The following HEPHL1 variants were observed in gnomAD, a reference collection of about 807,000 sequenced individuals.
HEPHL1 encodes the protein hephaestin like 1.
In HEPHL1, 123 loss-of-function variants were observed where a neutral mutation model predicts 122.0. That is an observed-to-expected ratio of 1.01 (90% CI 0.87 to 1.17). The LOEUF (loss-of-function observed/expected upper bound fraction) is 1.17. Among genes scored for constraint, HEPHL1 ranks in the 50% most tolerant of loss-of-function variants. The probability of loss-of-function intolerance (pLI) is 0.00; values close to 1 mark genes in which losing one functional copy is unlikely to be tolerated. For missense variants in HEPHL1, 1,452 were observed against 1,430.5 expected (o/e 1.01, Z -0.24); for synonymous variants, 527 against 508.9 (o/e 1.04, Z -0.48).
intron 11 of HEPHL1, 100 bp from the exon 12 acceptor site, chr11:94,088,655 C>G (rs559340273): frequency 1.1e-6 from 1 of 889,840 alleles, no homozygotes; most frequent in African/African-American, 1.7e-5. Flanking sequence ...ATCCACCTAA[C>G]TGGTTATTTT....
At chr11:94,101,666 G>C (rs1013337270) in intron 14 of HEPHL1, among the ~76,000 whole-genome samples, 9 of 152,166 alleles carry the variant, frequency 5.9e-5, no homozygotes, top group African/African-American at 2.2e-4. Context: ...ATACTCTAAG[G>C]GTTTTGACAA....
intron 1 of HEPHL1, among the ~76,000 whole-genome samples, chr11:94,031,878 G>A (rs1179033548): frequency 1.3e-5 from 2 of 152,250 alleles, no homozygotes; most frequent in Non-Finnish European, 2.9e-5. Flanking sequence ...CTATAGGAGA[G>A]GCTGAGTACT....
chr11:94,038,375 C>T (rs1368804095), intron 1 of HEPHL1, among the ~76,000 whole-genome samples: 2 of 114,560 alleles, frequency 1.7e-5, no homozygotes, highest in African/African-American at 3.6e-5. Flanking sequence ...GAGAACGCCA[C>T]AAAGATACTC....
intron 2 of HEPHL1, among the ~76,000 whole-genome samples, chr11:94,057,255 A>C (rs1221968328): frequency 6.6e-6 from 1 of 152,062 alleles, no homozygotes; most frequent in Admixed American, 6.6e-5. Context: ...GTATTTATCA[A>C]ATTTTGGCTC....
chr11:94,064,571 G>T (rs1304385686), intron 4 of HEPHL1, 61 bp downstream of exon 4: 3 of 1,145,476 alleles, frequency 2.6e-6, no homozygotes, highest in Non-Finnish European at 2.5e-6. Flanking sequence ...GGTACTACAA[G>T]GGATAAAAAA....
Position 94,073,671 on chromosome 11 carries a change from G to C in HEPHL1, c.1504+232G>C, listed in dbSNP as rs191640549. On this transcript the variant is annotated intron_variant, in intron 8 of 19. Coordinates refer to ENST00000315765, the MANE Select transcript of HEPHL1 (RefSeq NM_001098672.2). ...TTAGGACAAGGTCTGGCCCATGGTAGGTTCTTAGGAAATGTTCATTTCTTT... is the reference window on the plus strand; with the variant it reads ...TTAGGACAAGGTCTGGCCCATGGTACGTTCTTAGGAAATGTTCATTTCTTT... Among the ~76,000 whole-genome samples, 206 of 152,236 alleles carry C rather than the reference G, an allele frequency of 1.4e-3. 1 individual carries two copies. The highest frequency in any genetic ancestry group is 2.0e-3 in the Non-Finnish European group (139 of 68,008).
chr11:94,031,221 C>T (rs1467692953), intron 1 of HEPHL1, among the ~76,000 whole-genome samples: 1 of 152,024 alleles, frequency 6.6e-6, no homozygotes, highest in East Asian at 1.9e-4. Flanking sequence ...TAAACTTCTC[C>T]TCCGTCCTCC....
chr11:94,096,605 C>T (rs1196310049), intron 13 of HEPHL1, among the ~76,000 whole-genome samples: 1 of 152,192 alleles, frequency 6.6e-6, no homozygotes, highest in Non-Finnish European at 1.5e-5. Context: ...ACCAGCTCCT[C>T]CTTGTACCTC....
chr11:94,088,816 T>C lies in HEPHL1; in HGVS notation c.2142T>C (p.Tyr714=). The part of the protein sequence containing the change: ...PHLSRGMGQI[Y]EVSSCDNRDP... ...TCTCGAGAGGCATGGGTCAGATCTATGAGGTCAGCAGCTGTGACAACAGGG... is the reference window on the plus strand; with the variant it reads ...TCTCGAGAGGCATGGGTCAGATCTACGAGGTCAGCAGCTGTGACAACAGGG... Residue 714 remains tyrosine (Y), a synonymous_variant, in exon 12 of 20, where the codon TAT becomes TAC. Transcript: ENST00000315765. 3.7e-6 allele frequency: 6 copies of C among 1,613,962 alleles called. No individual in the cohort carries two copies. The highest frequency in any genetic ancestry group is 4.2e-6 in the Non-Finnish European group (5 of 1,179,822).
chr11:94,093,701 A>G, intron 13 of HEPHL1, 61 bp downstream of exon 13: 16 of 1,549,782 alleles, frequency 1.0e-5, no homozygotes, highest in Non-Finnish European at 1.4e-5. Flanking sequence ...ACACATACTC[A>G]TGTGTTCTGT....
intron 9 of HEPHL1, 69 bp from the exon 10 acceptor site, chr11:94,082,349 G>C (rs773463054): frequency 7.7e-5 from 94 of 1,224,544 alleles, no homozygotes; most frequent in Non-Finnish European, 9.9e-5. Context: ...TGTGAACTTT[G>C]AAGGAAAGCA....
chr11:94,052,001 T>A (rs150050590), intron 2 of HEPHL1, among the ~76,000 whole-genome samples: 1 of 152,122 alleles, frequency 6.6e-6, no homozygotes, highest in Non-Finnish European at 1.5e-5. Context: ...TGTCTGTGTG[T>A]CTGTTTTTAT....
chr11:94,092,310 T>C (rs572613859), intron 12 of HEPHL1, among the ~76,000 whole-genome samples: 50 of 152,358 alleles, frequency 3.3e-4, no homozygotes, highest in Admixed American at 1.3e-3. Flanking sequence ...CCTCGTTATT[T>C]GTAGATTCTG....
chr11:94,049,485 C>G (rs1945871002), intron 2 of HEPHL1, among the ~76,000 whole-genome samples: 1 of 151,958 alleles, frequency 6.6e-6, no homozygotes, highest in African/African-American at 2.4e-5. Flanking sequence ...ACCCAGCAGT[C>G]CCACTACTGG....
intron 13 of HEPHL1, among the ~76,000 whole-genome samples, chr11:94,093,957 T>A (rs1402195167): frequency 1.5e-5 from 2 of 130,930 alleles, no homozygotes; most frequent in African/African-American, 2.9e-5. Flanking sequence ...AATTTTCTTT[T>A]AAATCCTCCA....
chr11:94,096,500 C>G (rs764918913), intron 13 of HEPHL1, among the ~76,000 whole-genome samples: 3 of 151,922 alleles, frequency 2.0e-5, no homozygotes, highest in Non-Finnish European at 2.9e-5. Context: ...TTGTGTCTGC[C>G]AGGCTTTGGT....
chr11:94,104,514 A>G lies in HEPHL1; in HGVS notation c.2683-14A>G. 1 of 1,569,490 alleles carries G rather than the reference A, an allele frequency of 6.4e-7. No homozygotes were observed. On this transcript the variant is annotated splice_polypyrimidine_tract_variant and intron_variant, in intron 15 of 19. Coordinates refer to ENST00000315765, the MANE Select transcript of HEPHL1 (RefSeq NM_001098672.2). ...CTTAATGGCTCTTTTAACTCAGTTT[A>G]TTTTTTCTTCCAGGATACGTATAGT...
intron 1 of HEPHL1, among the ~76,000 whole-genome samples, chr11:94,038,114 G>T (rs1319428596): frequency 2.7e-5 from 4 of 150,502 alleles, no homozygotes; most frequent in Non-Finnish European, 5.9e-5. Flanking sequence ...GGAAGAAAGG[G>T]TATCAGCAAT....
chr11:94,073,938 G>T (rs1468626967), intron 8 of HEPHL1, among the ~76,000 whole-genome samples: 1 of 152,078 alleles, frequency 6.6e-6, no homozygotes, highest in South Asian at 2.1e-4. Flanking sequence ...ATCTGATATG[G>T]CCTCTCCCCA....
Sources: allele counts gnomAD v4.1 joint callset (sites outside exome capture counted in the v4.1 genomes callset), GRCh38; gene constraint gnomAD v4.1.1; transcripts MANE v1.5; gene names NCBI Gene and HGNC (gene_info 2026-07-23, HGNC 2026-07-21).